CCDC63: variants seen among roughly 807,000 people sequenced by gnomAD.
CCDC63 encodes coiled-coil domain containing 63.
CCDC63 carries 54 observed loss-of-function variants against 63.6 expected under a neutral mutation model. The ratio of observed to expected loss-of-function variants is 0.85; its 90% CI spans 0.68 to 1.07. The LOEUF (loss-of-function observed/expected upper bound fraction) is 1.07. Among genes scored for constraint, CCDC63 ranks in the 50% least tolerant of loss-of-function variants. The probability of loss-of-function intolerance (pLI) is 0.00; values close to 1 mark genes in which losing one functional copy is unlikely to be tolerated. For missense variants in CCDC63, 637 were observed against 689.6 expected (o/e 0.92, Z 0.86); for synonymous variants, 253 against 266.1 (o/e 0.95, Z 0.48).
intron 8 of CCDC63, among the ~76,000 whole-genome samples, chr12:110,887,361 G>T (rs559092363): frequency 5.9e-4 from 90 of 152,164 alleles, no homozygotes; most frequent in African/African-American, 2.1e-3. Context: ...CCTGAACTCA[G>T]GTGATCCGCC....
intron 8 of CCDC63, among the ~76,000 whole-genome samples, chr12:110,885,448 G>T (rs1187755842): frequency 6.6e-6 from 1 of 152,148 alleles, no homozygotes; most frequent in Non-Finnish European, 1.5e-5. Context: ...CTTTGGAACT[G>T]TCTGCATGGA....
At chr12:110,874,893 G>A (rs1054126560) in intron 5 of CCDC63, among the ~76,000 whole-genome samples, 3 of 152,098 alleles carry the variant, frequency 2.0e-5, no homozygotes, top group African/African-American at 7.2e-5. Flanking sequence ...GGTTCCCCTG[G>A]AAAAGCAAAA....
chr12:110,853,333 C>T, intron 2 of CCDC63, 72 bp from the exon 3 acceptor site: 1 of 1,479,854 alleles, frequency 6.8e-7, no homozygotes, highest in South Asian at 1.3e-5. Context: ...GCCCTTCACT[C>T]TTAAGCCCAT....
At chr12:110,863,541 A>ATT (rs34243608) in intron 4 of CCDC63, among the ~76,000 whole-genome samples, 10 of 138,528 alleles carry the variant, frequency 7.2e-5, no homozygotes, top group South Asian at 4.7e-4. Context: ...TGTCCCAGGG[A>ATT]TTTTTTTTTT....
At chr12:110,879,827 C>G (rs2136694788) in intron 5 of CCDC63, 79 bp from the exon 6 acceptor site, 2 of 1,409,820 alleles carry the variant, frequency 1.4e-6, no homozygotes, top group Non-Finnish European at 2.0e-6. Flanking sequence ...AAAGACCTGA[C>G]AGCCTTCCAG....
chr12:110,872,385 T>C (rs1183463392), intron 4 of CCDC63, among the ~76,000 whole-genome samples: 2 of 152,216 alleles, frequency 1.3e-5, no homozygotes, highest in African/African-American at 4.8e-5. Context: ...ATAGGCAGAA[T>C]TGCCAAGCAT....
chr12:110,876,879 C>CAAAAA (rs57300765), intron 5 of CCDC63, among the ~76,000 whole-genome samples: 1,321 of 110,936 alleles, frequency 0.012, 29 homozygotes, highest in African/African-American at 0.04. Context: ...ACTAAAAATA[C>CAAAAA]AAAAAAAAAA....
chr12:110,904,897 C>G, intron 11 of CCDC63, 106 bp downstream of exon 11: 1 of 861,164 alleles, frequency 1.2e-6, no homozygotes, highest in Non-Finnish European at 1.8e-6. Flanking sequence ...TGTTGAACCT[C>G]GGTTTCCTCT....
intron 8 of CCDC63, among the ~76,000 whole-genome samples, chr12:110,886,052 A>G (rs2071274593): frequency 6.6e-6 from 1 of 152,180 alleles, no homozygotes; most frequent in Non-Finnish European, 1.5e-5. Context: ...AGTGAAGGTG[A>G]CTTTATCAAT....
upstream of CCDC63, chr12:110,845,927 G>A (rs1352838033): frequency 2.1e-5 from 3 of 141,496 alleles, no homozygotes; most frequent in South Asian, 2.3e-4. Context: ...CCACCATGCC[G>A]GGCTAAATTT....
chr12:110,884,693 T>C (rs2071255182), intron 8 of CCDC63, among the ~76,000 whole-genome samples: 1 of 151,746 alleles, frequency 6.6e-6, no homozygotes, highest in African/African-American at 2.4e-5. Flanking sequence ...ACTTTTTATT[T>C]GTATTTTTTT....
At chr12:110,871,185 A>G (rs567552995) in intron 4 of CCDC63, among the ~76,000 whole-genome samples, 1 of 152,216 alleles carries the variant, frequency 6.6e-6, no homozygotes, top group South Asian at 2.1e-4. Context: ...TCTGTTGCCC[A>G]GGCTGGAGTG....
At position 110,881,178 on chromosome 12, in the gene CCDC63, C is replaced by G. The variant is rs372278730; in HGVS notation, c.735C>G (p.Tyr245Ter). The G allele has an allele frequency of 4.8e-5, 77 of 1,613,356 alleles. No individual in the cohort carries two copies. The highest frequency in any genetic ancestry group is 3.5e-4 in the Middle Eastern group (2 of 5,716). ...GCCAGAAGAAGGACACCTCTCAGTA[C>G]AACCTGGAGATCCGAGAGCTGGAGC... Reference protein sequence around the residue: ...KDRQKKDTSQYNLEIRELERL... With the variant: ...KDRQKKDTSQ Residue 245 changes from tyrosine (Y) to a stop codon, truncating the protein, a stop_gained, in exon 7 of 12, where the codon TAC becomes TAG. Transcript: ENST00000308208. LOFTEE classifies it high-confidence loss of function.
chr12:110,873,801 T>A, intron 4 of CCDC63, 41 bp from the exon 5 acceptor site: 1 of 1,608,482 alleles, frequency 6.2e-7, no homozygotes, highest in Non-Finnish European at 8.5e-7. Flanking sequence ...CCCATACAGA[T>A]GCTAACACAG....
rs540184357 is a variant in CCDC63 at position 110,861,071 on chromosome 12, G to A, written c.369+2296G>A. ...GGAAGAAGAGAGAGACGGGGGAGGC[G>A]CCACACACTTTTAAACAACCAGATC... On this transcript the variant is annotated intron_variant, in intron 4 of 11. Coordinates refer to ENST00000308208, the MANE Select transcript of CCDC63 (RefSeq NM_152591.3). 9.5e-4 allele frequency among the ~76,000 whole-genome samples: 145 copies of A among 152,122 alleles called. 1 individual carries two copies. Among genetic ancestry groups the A allele is most frequent in the African/African-American group, 3.4e-3 (140 of 41,504 alleles).
chr12:110,889,940 T>C lies in CCDC63; in HGVS notation c.1075-3136T>C, dbSNP rs1397383203. ...ACAATTTGGAAAATACTAAAAAGTA[T>C]AAATACAACCTCCAAATCAGGAATA... On this transcript the variant is annotated intron_variant, in intron 8 of 11. Coordinates refer to ENST00000308208, the MANE Select transcript of CCDC63 (RefSeq NM_152591.3). This position sits in a 1 kb window ranked among gnomAD's most constrained non-coding sequence, Gnocchi z 4.1. 6.6e-6 allele frequency among the ~76,000 whole-genome samples: 1 copy of C among 152,102 alleles called. No homozygotes were observed. The highest frequency in any genetic ancestry group is 1.9e-4 in the East Asian group (1 of 5,194).
chr12:110,863,199 G>T (rs577474182), intron 4 of CCDC63, among the ~76,000 whole-genome samples: 34 of 152,270 alleles, frequency 2.2e-4, no homozygotes, highest in Middle Eastern at 3.4e-3. Context: ...TAGAGCGGGG[G>T]CCTGACTCCA....
intron 11 of CCDC63, among the ~76,000 whole-genome samples, chr12:110,906,635 G>GCA (rs1266215404): frequency 6.6e-6 from 1 of 151,392 alleles, no homozygotes; most frequent in Non-Finnish European, 1.5e-5. Flanking sequence ...AAGCACACGT[G>GCA]CACACACACA....
At chr12:110,874,008 T>C (rs1427009285) in intron 5 of CCDC63, 47 bp downstream of exon 5, 1 of 1,574,448 alleles carries the variant, frequency 6.4e-7, no homozygotes, top group Admixed American at 1.9e-5. Flanking sequence ...CTGCCCACGT[T>C]TGCTCAGAAC....
Sources: allele counts gnomAD v4.1 joint callset (sites outside exome capture counted in the v4.1 genomes callset), GRCh38; gene constraint gnomAD v4.1.1; non-coding constraint Gnocchi (gnomAD v3.1); transcripts MANE v1.5; gene names NCBI Gene and HGNC (gene_info 2026-07-23, HGNC 2026-07-21).